Variants in XIRP2 observed in about 807,000 individuals in gnomAD.
XIRP2 encodes xin actin binding repeat containing 2.
In XIRP2, 236 loss-of-function variants were observed where a neutral mutation model predicts 277.0. The observed-to-expected ratio is 0.85, with a 90% CI of 0.77 to 0.95. The LOEUF (loss-of-function observed/expected upper bound fraction) is 0.95, where lower values mean the gene tolerates loss of function less well. Among genes scored for constraint, XIRP2 ranks in the 40% least tolerant of loss-of-function variants. The pLI is 0.00. For missense variants in XIRP2, 4,640 were observed against 4,157.5 expected, an observed-to-expected ratio of 1.12 and a Z score of -3.19; for synonymous variants, 1,490 against 1,416.5, an observed-to-expected ratio of 1.05 and a Z score of -1.17.
chr2:167,018,243 G>A (rs1343733862), intron 2 of XIRP2, among the ~76,000 whole-genome samples: 1 of 151,948 alleles, frequency 6.6e-6, no homozygotes, highest in Non-Finnish European at 1.5e-5. Flanking sequence ...ATTTTCCCAG[G>A]TCACCTTAAT....
At chr2:167,177,468 G>C (rs1051207180) in intron 3 of XIRP2, among the ~76,000 whole-genome samples, 8 of 152,044 alleles carry the variant, frequency 5.3e-5, no homozygotes, top group Non-Finnish European at 5.9e-5. Context: ...ATGTTATTAA[G>C]TATTCTTCAA....
In XIRP2 at chr2:167,244,184, A is replaced by T. The variant is rs762365124; in HGVS notation, c.2792A>T (p.Tyr931Phe). Residue 931 changes from tyrosine to phenylalanine, a missense_variant, in exon 9 of 11, where the codon TAC becomes TTC. Physicochemically the swap from Tyr to Phe is conservative, Grantham distance 22 (BLOSUM62 3). Coordinates refer to ENST00000409195, the MANE Select transcript of XIRP2 (RefSeq NM_152381.6). ...LEDIRKDKKE[Y>F]TRTVKLEEVD... is the part of the protein sequence containing the mutation. ...GACATTAGAAAAGATAAAAAGGAGT[A>T]CACACGAACAGTGAAACTTGAAGAA... is the stretch of plus-strand genomic sequence containing the variant. 2 of 1,613,642 alleles carry T rather than the reference A, an allele frequency of 1.2e-6. No homozygotes were observed. The highest frequency in any genetic ancestry group is 3.3e-5 in the Admixed American group (2 of 59,934).
intron 2 of XIRP2, among the ~76,000 whole-genome samples, chr2:167,047,813 C>G (rs1471515869): frequency 1.3e-5 from 2 of 151,832 alleles, no homozygotes; most frequent in African/African-American, 4.8e-5. Context: ...AGCACAGTAA[C>G]AAAGGCAGTG....
At chr2:167,006,489 A>C (rs1687507250) in intron 2 of XIRP2, among the ~76,000 whole-genome samples, 1 of 151,752 alleles carries the variant, frequency 6.6e-6, no homozygotes, top group African/African-American at 2.4e-5. Flanking sequence ...ACGATGAGAA[A>C]TATTCTTCTC....
At chr2:167,132,573 A>G (rs975852773) in intron 2 of XIRP2, among the ~76,000 whole-genome samples, 1 of 151,436 alleles carries the variant, frequency 6.6e-6, no homozygotes, top group Non-Finnish European at 1.5e-5. Context: ...ATAACTTCCC[A>G]TTGAGCTAAG....
chr2:167,157,578 C>T (rs75346301), intron 3 of XIRP2, among the ~76,000 whole-genome samples: 15,042 of 152,110 alleles, frequency 0.099, 800 homozygotes, highest in South Asian at 0.15. Flanking sequence ...ATACACACCA[C>T]ACTCACACAC....
chr2:167,062,043 C>T (rs1689185609), intron 2 of XIRP2, among the ~76,000 whole-genome samples: 1 of 152,192 alleles, frequency 6.6e-6, no homozygotes, highest in Admixed American at 6.5e-5. Context: ...CCCTCGATCG[C>T]TTGGCCATCC....
At chr2:167,001,453 A>C (rs1687368775) in intron 2 of XIRP2, among the ~76,000 whole-genome samples, 1 of 152,150 alleles carries the variant, frequency 6.6e-6, no homozygotes, top group Non-Finnish European at 1.5e-5. Flanking sequence ...TAGTTTCAAA[A>C]TGTTTTCTTA....
chr2:167,168,280 C>T (rs1193177084), intron 3 of XIRP2, among the ~76,000 whole-genome samples: 1 of 152,076 alleles, frequency 6.6e-6, no homozygotes, highest in East Asian at 1.9e-4. Context: ...TGGTGTCTAA[C>T]ATTACTTTGC....
chr2:166,987,846 C>G (rs1687047840), intron 2 of XIRP2, among the ~76,000 whole-genome samples: 1 of 151,938 alleles, frequency 6.6e-6, no homozygotes, highest in Non-Finnish European at 1.5e-5. Flanking sequence ...AGATTGTAGC[C>G]AATAGAATAA....
chr2:167,178,170 C>T (rs73025727), intron 3 of XIRP2, among the ~76,000 whole-genome samples: 15,013 of 151,914 alleles, frequency 0.099, 795 homozygotes, highest in South Asian at 0.15. Context: ...ATATATGTGC[C>T]TGTATACAGA....
intron 2 of XIRP2, among the ~76,000 whole-genome samples, chr2:167,065,123 T>A (rs1689269933): frequency 6.6e-6 from 1 of 151,946 alleles, no homozygotes; most frequent in South Asian, 2.1e-4. Flanking sequence ...CTACCAACAC[T>A]GCACAAAAGT....
chr2:166,974,739 A>G (rs1686666791), intron 2 of XIRP2, among the ~76,000 whole-genome samples: 1 of 152,086 alleles, frequency 6.6e-6, no homozygotes, highest in African/African-American at 2.4e-5. Flanking sequence ...AGAAGAACAG[A>G]TAGAACAAAT....
At position 167,184,532 on chromosome 2, in the gene XIRP2, T is replaced by C. The variant is rs753299116; in HGVS notation, c.563-26203T>C. ...TGCCAAAGGTTCTGCTGTTTTTCTG[T>C]TTCCAGCAGCAGTGTTCTCCACGGA... On this transcript the variant is annotated intron_variant, in intron 3 of 10. Transcript: ENST00000409195. 2.5e-5 allele frequency: 18 copies of C among 714,148 alleles called. No homozygotes were observed. The African/African-American group carries it at 3.2e-4, about 13-fold the overall frequency. 44.2% of individuals were successfully genotyped at this position (714,148 alleles called of 1,614,324 possible).
At chr2:167,119,759 C>G (rs1691000541) in intron 2 of XIRP2, among the ~76,000 whole-genome samples, 1 of 152,166 alleles carries the variant, frequency 6.6e-6, no homozygotes. Context: ...TTGTAAAATT[C>G]TTAATATGGT....
chr2:167,218,307 CT>C lies in XIRP2; in HGVS notation c.858+8del, dbSNP rs745521402. On this transcript the variant is annotated splice_region_variant and intron_variant, in intron 5 of 10. Transcript: ENST00000409195. ...TCAGAACAGATCTGAGCAGGTAATACTACTACAGGTGATGGGTAAATCAGGC... is the reference window on the plus strand; with the variant it reads ...TCAGAACAGATCTGAGCAGGTAATACACTACAGGTGATGGGTAAATCAGGC... 6.9e-7 allele frequency: 1 copy of C among 1,457,860 alleles called. No individual in the cohort carries two copies. Among genetic ancestry groups the C allele is most frequent in the Non-Finnish European group, 9.1e-7 (1 of 1,095,882 alleles). The allele number at this position is 1,457,860 out of a possible 1,614,324, so 90.3% of individuals were successfully genotyped here. A position where few individuals can be genotyped will look rare whatever the true frequency, so the allele number is the denominator to read the frequency against.
chr2:167,088,551 C>T (rs1368739111), intron 2 of XIRP2, among the ~76,000 whole-genome samples: 3 of 152,118 alleles, frequency 2.0e-5, no homozygotes, highest in Admixed American at 1.3e-4. Context: ...AGATTTGAAA[C>T]CTCAGTACAC....
At chr2:167,048,467 T>C (rs985432358) in intron 2 of XIRP2, among the ~76,000 whole-genome samples, 5 of 151,928 alleles carry the variant, frequency 3.3e-5, no homozygotes, top group Admixed American at 1.3e-4. Context: ...GTCACTTTTC[T>C]TTCTATTTTT....
At chr2:167,040,233 C>T (rs921447740) in intron 2 of XIRP2, among the ~76,000 whole-genome samples, 1 of 151,492 alleles carries the variant, frequency 6.6e-6, no homozygotes, top group African/African-American at 2.4e-5. Context: ...ACCAGACCAT[C>T]AAGAAGACCA....
Sources: gnomAD v4.1 joint callset for allele counts (sites outside exome capture counted in the v4.1 genomes callset) on GRCh38, gnomAD v4.1.1 for gene constraint, MANE v1.5 for transcripts, NCBI Gene and HGNC (gene_info 2026-07-23, HGNC 2026-07-21) for gene names.